SLC22A24: variants seen among roughly 807,000 people sequenced by gnomAD.
SLC22A24 encodes the protein solute carrier family 22 member 24.
Under a neutral mutation model 49.8 loss-of-function variants are expected in SLC22A24, and 53 were observed. The ratio of observed to expected loss-of-function variants is 1.06; its 90% CI spans 0.85 to 1.34. The LOEUF is 1.34. Among genes scored for constraint, SLC22A24 ranks in the 40% most tolerant of loss-of-function variants. The pLI, the probability that SLC22A24 is intolerant of heterozygous loss-of-function variation, is 0.00. For missense variants in SLC22A24, 786 were observed against 675.9 expected, an observed-to-expected ratio of 1.16 and a Z score of -1.81; for synonymous variants, 302 against 256.4, an observed-to-expected ratio of 1.18 and a Z score of -1.70.
At chr11:63,128,983 T>A (rs966274706) in intron 2 of SLC22A24, among the ~76,000 whole-genome samples, 1 of 152,220 alleles carries the variant, frequency 6.6e-6, no homozygotes, top group African/African-American at 2.4e-5. Flanking sequence ...CCCTACAAAT[T>A]AGATCCCATT....
chr11:63,084,551 A>C (rs753550511), intron 6 of SLC22A24, among the ~76,000 whole-genome samples: 6 of 152,116 alleles, frequency 3.9e-5, no homozygotes, highest in Admixed American at 2.6e-4. Context: ...CAAGAAATGG[A>C]GTGAATGCCA....
At chr11:63,088,600 A>G (rs1486615506) in intron 6 of SLC22A24, among the ~76,000 whole-genome samples, 1 of 152,184 alleles carries the variant, frequency 6.6e-6, no homozygotes, top group East Asian at 1.9e-4. Flanking sequence ...TGACAGAAGT[A>G]GACTTCAGAA....
intron 5 of SLC22A24, among the ~76,000 whole-genome samples, chr11:63,098,324 G>A (rs571177247): frequency 6.6e-6 from 1 of 152,210 alleles, no homozygotes; most frequent in African/African-American, 2.4e-5. Flanking sequence ...AGAGAAAGTG[G>A]TACTAATTGC....
intron 2 of SLC22A24, among the ~76,000 whole-genome samples, chr11:63,127,015 C>T (rs1453263707): frequency 6.6e-6 from 1 of 152,068 alleles, no homozygotes; most frequent in Non-Finnish European, 1.5e-5. Context: ...TTCTAGGGTA[C>T]ATGTGCACAA....
intron 4 of SLC22A24, among the ~76,000 whole-genome samples, chr11:63,113,025 A>AT (rs2087178478): frequency 1.7e-5 from 1 of 59,580 alleles, no homozygotes; most frequent in African/African-American, 7.0e-5. Context: ...AAAAAAAAAA[A>AT]AAAAAAAAAA....
chr11:63,129,102 G>A (rs568220840), intron 2 of SLC22A24, among the ~76,000 whole-genome samples: 19 of 152,172 alleles, frequency 1.2e-4, no homozygotes, highest in Non-Finnish European at 2.6e-4. Flanking sequence ...GGCTTTTATG[G>A]TGTTAGGTCT....
intron 6 of SLC22A24, among the ~76,000 whole-genome samples, chr11:63,085,732 C>T (rs1420511255): frequency 2.0e-5 from 3 of 152,160 alleles, no homozygotes; most frequent in African/African-American, 7.2e-5. Flanking sequence ...TTATATTTTC[C>T]ATAGACATCA....
chr11:63,113,763 A>C (rs6591747), intron 4 of SLC22A24, among the ~76,000 whole-genome samples: 107,210 of 150,858 alleles, frequency 0.71, 39,700 homozygotes, highest in East Asian at 0.9. Flanking sequence ...CTGAGGCAGG[A>C]AAATCACTTG....
intron 1 of SLC22A24, among the ~76,000 whole-genome samples, chr11:63,140,475 C>T (rs139178736): frequency 1.0e-3 from 154 of 152,206 alleles, no homozygotes; most frequent in African/African-American, 3.2e-3. Flanking sequence ...CTGCTAAATG[C>T]CTTAAGGTCA....
chr11:63,083,235 T>C lies in SLC22A24; in HGVS notation c.1285+8A>G, dbSNP rs1351360717. 1 of 1,550,452 alleles carries C rather than the reference T, an allele frequency of 6.4e-7. No individual in the cohort carries two copies. The highest frequency in any genetic ancestry group is 2.0e-5 in the Admixed American group (1 of 51,026). ...TACTTTCTTTCCTGAAACTCCTGTCTCTCTCACCTTGGGGCAAAAAGGTGT... is the reference window on the plus strand; with the variant it reads ...TACTTTCTTTCCTGAAACTCCTGTCCCTCTCACCTTGGGGCAAAAAGGTGT... On this transcript the variant is annotated splice_region_variant and intron_variant, in intron 7 of 9. Coordinates refer to ENST00000612278, the MANE Select transcript of SLC22A24 (RefSeq NM_001136506.2).
Position 63,119,176 on chromosome 11 carries a change from C to G in SLC22A24, c.661+5G>C. ...GATGATAAAATGCTCAAATTATTGA[C>G]TTACTGAGAATAAAAGTGTTTCCCA... On this transcript the variant is annotated splice_donor_5th_base_variant and intron_variant, in intron 3 of 9. Coordinates refer to ENST00000612278, the MANE Select transcript of SLC22A24 (RefSeq NM_001136506.2). The G allele has an allele frequency of 6.5e-7, 1 of 1,535,712 alleles. No homozygotes were observed. Among genetic ancestry groups the G allele is most frequent in the African/African-American group, 1.4e-5 (1 of 72,408 alleles).
At chr11:63,117,756 A>G (rs1387372175) in intron 4 of SLC22A24, among the ~76,000 whole-genome samples, 1 of 152,194 alleles carries the variant, frequency 6.6e-6, no homozygotes, top group African/African-American at 2.4e-5. Context: ...TGCATATAAC[A>G]CACAGAATAT....
chr11:63,130,690 G>T (rs2087327860), intron 2 of SLC22A24, among the ~76,000 whole-genome samples: 1 of 151,950 alleles, frequency 6.6e-6, no homozygotes, highest in Admixed American at 6.6e-5. Flanking sequence ...ACTTCTTCCT[G>T]GTTTAGTCTT....
chr11:63,108,318 C>T (rs1016134154), intron 4 of SLC22A24, among the ~76,000 whole-genome samples: 1 of 152,100 alleles, frequency 6.6e-6, no homozygotes, highest in African/African-American at 2.4e-5. Flanking sequence ...TTTTGATGTG[C>T]TGCTGGATTC....
chr11:63,143,668 C>A lies in SLC22A24; in HGVS notation c.112G>T (p.Glu38Ter). Residue 38 changes from glutamate to a stop codon, truncating the protein, a stop_gained, in exon 1 of 10, where the codon GAG (glutamate) becomes TAG (stop). Transcript: ENST00000612278. LOFTEE classifies it high-confidence loss of function. ...CTAGGGGTGAATGCAGTGAAGTTCT[C>A]CAACACAATATTAGGGAACAGTAGG... ...NILLFPNIVLENFTAFTPSHR... is the reference protein window; with the variant it reads ...NILLFPNIVL 1 of 1,596,452 alleles carries A rather than the reference C, an allele frequency of 6.3e-7. No individual in the cohort carries two copies. Among genetic ancestry groups the A allele is most frequent in the Non-Finnish European group, 8.5e-7 (1 of 1,172,026 alleles).
At chr11:63,090,766 ACACAGGTAAAG>A (rs1252424682) in intron 6 of SLC22A24, among the ~76,000 whole-genome samples, 1 of 151,950 alleles carries the variant, frequency 6.6e-6, no homozygotes, top group East Asian at 1.9e-4. Context: ...AATCTCTGGG[ACACAGGTAAAG>A]CAGTGTTAAG....
At chr11:63,131,650 A>G (rs970144637) in intron 2 of SLC22A24, among the ~76,000 whole-genome samples, 2 of 152,176 alleles carry the variant, frequency 1.3e-5, no homozygotes, top group Non-Finnish European at 2.9e-5. Flanking sequence ...GAGAAGTGCT[A>G]TTAGTCTGAT....
intron 4 of SLC22A24, 196 bp downstream of exon 4, chr11:63,118,712 TAATG>T (rs1399714565): frequency 1.6e-5 from 9 of 562,432 alleles, no homozygotes; most frequent in Non-Finnish European, 2.5e-5. Context: ...ATGTCTAAAA[TAATG>T]AATGCAAAGT....
Position 63,138,736 on chromosome 11 carries a change from T to A in SLC22A24, c.403-3968A>T, listed in dbSNP as rs573439013. Among the ~76,000 whole-genome samples the A allele has an allele frequency of 8.0e-5, 12 of 150,768 alleles. No homozygotes were observed. In the East Asian group the frequency reaches 2.0e-3, roughly 25 times the overall value. On this transcript the variant is annotated intron_variant, in intron 1 of 9. Coordinates refer to ENST00000612278, the MANE Select transcript of SLC22A24 (RefSeq NM_001136506.2). ...AACTGCTCAATGCTGTATAGTTCAA[T>A]AGCTAAGGCTTTATCTTTTGATAAT... is the stretch of plus-strand genomic sequence containing the variant.
Sources: gnomAD v4.1 joint callset for allele counts (sites outside exome capture counted in the v4.1 genomes callset) on GRCh38, gnomAD v4.1.1 for gene constraint, MANE v1.5 for transcripts, NCBI Gene and HGNC (gene_info 2026-07-23, HGNC 2026-07-21) for gene names.